The following RBM27 variants were observed in gnomAD, a reference collection of about 807,000 sequenced individuals.
The protein encoded by RBM27 is RNA binding motif protein 27, also known as RNA-binding protein 27.
Under a neutral mutation model 135.3 loss-of-function variants are expected in RBM27, and 22 were observed. The ratio of observed to expected loss-of-function variants is 0.16; its 90% CI spans 0.12 to 0.23. RBM27 has a LOEUF of 0.23. Ranked by LOEUF, RBM27 falls within the 10% of genes least tolerant of loss-of-function variation. The pLI is 1.00. For missense variants in RBM27, 1,009 were observed against 1,281.0 expected, an observed-to-expected ratio of 0.79 and a Z score of 3.24; for synonymous variants, 481 against 442.4, an observed-to-expected ratio of 1.09 and a Z score of -1.10.
chr5:146,277,608 C>T (rs1462470902), intron 19 of RBM27, among the ~76,000 whole-genome samples: 1 of 150,906 alleles, frequency 6.6e-6, no homozygotes, highest in African/African-American at 2.4e-5. Flanking sequence ...CTGCAACCTC[C>T]ACCTCCTGGG....
chr5:146,208,593 A>G (rs1407436019), intron 1 of RBM27, among the ~76,000 whole-genome samples: 1 of 152,204 alleles, frequency 6.6e-6, no homozygotes, highest in Admixed American at 6.5e-5. Flanking sequence ...CAGTTTCAAA[A>G]TATCCTGGAT....
chr5:146,277,827 C>T (rs932332402), intron 19 of RBM27, among the ~76,000 whole-genome samples: 17 of 152,172 alleles, frequency 1.1e-4, no homozygotes, highest in African/African-American at 4.1e-4. Context: ...GCCACCGCGC[C>T]TGGCCAATAA....
intron 1 of RBM27, among the ~76,000 whole-genome samples, chr5:146,214,278 G>T (rs1282171558): frequency 6.6e-6 from 1 of 152,094 alleles, no homozygotes; most frequent in East Asian, 1.9e-4. Flanking sequence ...ATTTTGCATA[G>T]TCATGGATCC....
chr5:146,233,820 C>G, intron 7 of RBM27, 77 bp downstream of exon 7: 1 of 1,009,436 alleles, frequency 9.9e-7, no homozygotes, highest in South Asian at 3.8e-5. Context: ...ACTTGACACT[C>G]GTTTAAAGTG....
chr5:146,231,861 T>A (rs910473869), intron 6 of RBM27, among the ~76,000 whole-genome samples: 1 of 152,100 alleles, frequency 6.6e-6, no homozygotes, highest in Admixed American at 6.6e-5. Context: ...GTGATCCACC[T>A]TCCTCAGCCT....
intron 3 of RBM27, among the ~76,000 whole-genome samples, chr5:146,224,355 A>T (rs1349378070): frequency 6.6e-6 from 1 of 152,188 alleles, no homozygotes; most frequent in African/African-American, 2.4e-5. Context: ...AGGTAAAATG[A>T]ATTTTTAATT....
chr5:146,219,824 C>G (rs1320464039), intron 2 of RBM27, among the ~76,000 whole-genome samples: 5 of 152,228 alleles, frequency 3.3e-5, no homozygotes, highest in African/African-American at 1.2e-4. Flanking sequence ...ATACTCCATG[C>G]CTCCATCCAC....
chr5:146,279,787 A>G (rs906949022), intron 19 of RBM27, among the ~76,000 whole-genome samples: 40 of 150,772 alleles, frequency 2.7e-4, no homozygotes, highest in Non-Finnish European at 4.9e-4. Flanking sequence ...CAGCCTGGGC[A>G]ATAGAGCAAG....
intron 3 of RBM27, among the ~76,000 whole-genome samples, chr5:146,225,567 G>GTTT (rs5871958): frequency 6.6e-4 from 88 of 133,582 alleles, no homozygotes; most frequent in African/African-American, 2.2e-3. Flanking sequence ...TTACCTTTCT[G>GTTT]TTTTTTTTTT....
chr5:146,243,081 C>T (rs1757476008), intron 8 of RBM27, among the ~76,000 whole-genome samples: 2 of 151,830 alleles, frequency 1.3e-5, no homozygotes, highest in African/African-American at 2.4e-5. Context: ...GCGTGGTCAA[C>T]ATGGTGAAAT....
chr5:146,204,134 T>G (rs933531830), intron 1 of RBM27, among the ~76,000 whole-genome samples: 3 of 152,102 alleles, frequency 2.0e-5, no homozygotes, highest in Non-Finnish European at 4.4e-5. Flanking sequence ...ACATTGCTGT[T>G]TGAGAACTGA....
chr5:146,232,899 T>C (rs1039419906), intron 6 of RBM27, among the ~76,000 whole-genome samples: 1 of 152,192 alleles, frequency 6.6e-6, no homozygotes, highest in Admixed American at 6.5e-5. Context: ...TACAAACGTG[T>C]TTAACTTATT....
intron 6 of RBM27, among the ~76,000 whole-genome samples, chr5:146,231,603 T>A (rs1380466519): frequency 2.0e-5 from 3 of 152,272 alleles, no homozygotes; most frequent in East Asian, 1.9e-4. Context: ...TGTAATTTTT[T>A]AAAAGAATTT....
intron 1 of RBM27, among the ~76,000 whole-genome samples, chr5:146,217,793 C>T (rs1756277264): frequency 6.6e-6 from 1 of 152,128 alleles, no homozygotes. Flanking sequence ...CAGGGTCTCA[C>T]TCTGTCACCC....
At chr5:146,216,003 C>A (rs1331471444) in intron 1 of RBM27, among the ~76,000 whole-genome samples, 2 of 152,314 alleles carry the variant, frequency 1.3e-5, no homozygotes, top group Non-Finnish European at 2.9e-5. Flanking sequence ...CCTGCCTCGA[C>A]CTCCCAAGTG....
Position 146,287,979 on chromosome 5 carries a change from G to A in RBM27, c.*1949G>A, listed in dbSNP as rs183130537. The A allele has an allele frequency of 6.6e-5, 10 of 151,988 alleles. No individual in the cohort carries two copies. In the East Asian group the frequency reaches 7.7e-4, roughly 12 times the overall value. The allele number at this position is 151,988 out of a possible 1,614,324, so 9.4% of individuals were successfully genotyped here. ...TATTTTGAGTCCTGACAGTTTAAAC[G>A]TGATAGAGGGAACAAAGGATTTATA... On this transcript the variant is annotated 3_prime_UTR_variant, in exon 21 of 21. Coordinates refer to ENST00000265271, the MANE Select transcript of RBM27 (RefSeq NM_018989.2).
At chr5:146,214,640 C>T (rs1756113776) in intron 1 of RBM27, among the ~76,000 whole-genome samples, 1 of 152,168 alleles carries the variant, frequency 6.6e-6, no homozygotes, top group Non-Finnish European at 1.5e-5. Flanking sequence ...TAGAAAATTA[C>T]AGCACAAAAC....
intron 8 of RBM27, among the ~76,000 whole-genome samples, chr5:146,242,593 GTTTA>G (rs1757450472): frequency 1.3e-5 from 2 of 152,050 alleles, no homozygotes; most frequent in African/African-American, 2.4e-5. Flanking sequence ...TCAGTCATAA[GTTTA>G]TTTATTTATT....
intron 11 of RBM27, 116 bp from the exon 12 acceptor site, chr5:146,260,629 A>G (rs1034760753): frequency 1.3e-6 from 1 of 762,994 alleles, no homozygotes; most frequent in Non-Finnish European, 2.1e-6. Context: ...TGGAGCCACC[A>G]TGCCCAGCCA....
Sources: allele counts gnomAD v4.1 joint callset (sites outside exome capture counted in the v4.1 genomes callset), GRCh38; gene constraint gnomAD v4.1.1; transcripts MANE v1.5; gene names NCBI Gene and HGNC (gene_info 2026-07-23, HGNC 2026-07-21).